CCDC138: variants seen among roughly 807,000 people sequenced by gnomAD.
CCDC138 encodes coiled-coil domain-containing protein 138.
In CCDC138, 66 loss-of-function variants were observed where a neutral mutation model predicts 82.3. That is an observed-to-expected ratio of 0.80 (90% confidence interval 0.66 to 0.98). The LOEUF is 0.98. CCDC138 is among the 50% of genes least tolerant of loss of function. The pLI, the probability that CCDC138 is intolerant of heterozygous loss-of-function variation, is 0.00. For synonymous variants in CCDC138, 297 were observed against 265.4 expected (o/e 1.12, Z -1.16); for missense variants, 816 against 758.9 (o/e 1.08, Z -0.88).
chr2:108,830,489 G>T (rs1687368975), intron 10 of CCDC138, among the ~76,000 whole-genome samples: 1 of 152,134 alleles, frequency 6.6e-6, no homozygotes, highest in Non-Finnish European at 1.5e-5. Context: ...CTAAATTTTA[G>T]TGTACTCACT....
chr2:108,820,712 A>AGAAC (rs1553413043), intron 10 of CCDC138, among the ~76,000 whole-genome samples: 370 of 22,620 alleles, frequency 0.016, 9 homozygotes, highest in African/African-American at 0.089. Flanking sequence ...AAAAAAAAAA[A>AGAAC]AAACAAACAA....
At chr2:108,884,440 G>C (rs943628238) in intron 2 of CCDC138, 1 of 152,214 alleles carries the variant, frequency 6.6e-6, no homozygotes, top group Admixed American at 6.5e-5. Context: ...TGTGAGAAAA[G>C]GAAACCTCTG....
At chr2:108,881,811 T>C (rs564211542) in intron 1 of CCDC138, among the ~76,000 whole-genome samples, 1 of 152,278 alleles carries the variant, frequency 6.6e-6, no homozygotes, top group Non-Finnish European at 1.5e-5. Context: ...CTTACATGGG[T>C]GTGGTTCTTG....
chr2:108,837,570 T>A (rs1434799784), intron 10 of CCDC138, among the ~76,000 whole-genome samples: 1 of 152,234 alleles, frequency 6.6e-6, no homozygotes, highest in African/African-American at 2.4e-5. Flanking sequence ...TGTGACATCA[T>A]AGCTGTCATA....
At chr2:108,858,200 C>T (rs1358460885) in intron 13 of CCDC138, among the ~76,000 whole-genome samples, 3 of 152,064 alleles carry the variant, frequency 2.0e-5, no homozygotes, top group Non-Finnish European at 2.9e-5. Flanking sequence ...AAAAATTAGC[C>T]GGGCATGGTG....
At chr2:108,831,905 G>A (rs1272305972) in intron 10 of CCDC138, among the ~76,000 whole-genome samples, 1 of 150,666 alleles carries the variant, frequency 6.6e-6, no homozygotes, top group Non-Finnish European at 1.5e-5. Context: ...GCTAATTTTT[G>A]TATATTTAGT....
chr2:108,821,620 A>G (rs1285973403), intron 10 of CCDC138, among the ~76,000 whole-genome samples: 3 of 152,150 alleles, frequency 2.0e-5, no homozygotes, highest in East Asian at 1.9e-4. Context: ...GCTACAAAAC[A>G]TACAGAAAAA....
In CCDC138 at chr2:108,788,941, T is replaced by C; in HGVS notation, c.241T>C (p.Leu81=). ...SKHCRTPLGS[L]FKHVNVNCLD... ...GCATTGTAGAACACCATTGGGCAGC[T>C]TATTCAAGCACGTAAATGTGAATTG... The change falls in exon 3 of 15, where the codon TTA becomes CTA. Residue 81 remains leucine (L), a synonymous_variant. Transcript: ENST00000295124. 1 of 1,614,118 alleles carries C rather than the reference T, an allele frequency of 6.2e-7. No homozygotes were observed. The highest frequency in any genetic ancestry group is 8.5e-7 in the Non-Finnish European group (1 of 1,179,988).
At chr2:108,846,676 C>CAA in intron 11 of CCDC138, 62 bp from the exon 12 acceptor site, 1 of 1,417,358 alleles carries the variant, frequency 7.1e-7, no homozygotes, top group Non-Finnish European at 9.7e-7. Flanking sequence ...GACTGTGTCT[C>CAA]AAAAAAAAAG....
chr2:108,833,062 A>C (rs1233060013), intron 10 of CCDC138, among the ~76,000 whole-genome samples: 1 of 152,240 alleles, frequency 6.6e-6, no homozygotes, highest in Non-Finnish European at 1.5e-5. Flanking sequence ...GACATTTTGG[A>C]AAAAGCAAAA....
chr2:108,835,361 T>TA (rs1263099314), intron 10 of CCDC138, among the ~76,000 whole-genome samples: 1 of 152,050 alleles, frequency 6.6e-6, no homozygotes, highest in Admixed American at 6.6e-5. Flanking sequence ...GCTCAAAAAT[T>TA]AAAAAAAATT....
chr2:108,786,957 T>TG (rs1243627997), intron 1 of CCDC138, 42 bp downstream of exon 1: 3 of 1,375,006 alleles, frequency 2.2e-6, no homozygotes, highest in East Asian at 3.0e-5. Context: ...CTCCTGCTGC[T>TG]GGGGGGCGGC....
At chr2:108,855,602 T>C (rs1692456530) in intron 12 of CCDC138, among the ~76,000 whole-genome samples, 1 of 152,184 alleles carries the variant, frequency 6.6e-6, no homozygotes, top group Non-Finnish European at 1.5e-5. Context: ...AACCACAAAA[T>C]TAAGTACAGT....
rs533627581 is a variant in CCDC138, at chr2:108,813,077, G to A, written c.1041+150G>A. On this transcript the variant is annotated intron_variant, in intron 9 of 14. Coordinates refer to ENST00000295124, the MANE Select transcript of CCDC138 (RefSeq NM_144978.3). ...ATCCTGGCCAACATGGTGAAACCCCGTTTCTACTAAAAATACAGAAAATTA... is the reference window on the plus strand; with the variant it reads ...ATCCTGGCCAACATGGTGAAACCCCATTTCTACTAAAAATACAGAAAATTA... 1.3e-3 allele frequency: 720 copies of A among 559,604 alleles called. 1 individual carries two copies. The highest frequency in any genetic ancestry group is 3.0e-3 in the Admixed American group (89 of 30,054). 34.7% of individuals were successfully genotyped at this position (559,604 alleles called of 1,614,324 possible). A position where few individuals can be genotyped will look rare whatever the true frequency, so the allele number is the denominator to read the frequency against.
rs749347023 is a variant in CCDC138, at chr2:108,788,014, TTTTC to T, written c.94-14_94-11del. ...TGATTTTTAGTATACAAATTAAATCTTTTCTTTTTTTTTTTAGTATGATTTTTCA... is the reference window on the plus strand; with the variant it reads ...TGATTTTTAGTATACAAATTAAATCTTTTTTTTTTTTAGTATGATTTTTCA... On this transcript the variant is annotated splice_polypyrimidine_tract_variant and intron_variant, in intron 1 of 14. Transcript: ENST00000295124. 116 of 1,491,764 alleles carry T rather than the reference TTTTC, an allele frequency of 7.8e-5. No homozygotes were observed. Among genetic ancestry groups the T allele is most frequent in the Middle Eastern group, 2.2e-4 (1 of 4,460 alleles). The allele number at this position is 1,491,764 out of a possible 1,614,324, so 92.4% of individuals were successfully genotyped here. A position where few individuals can be genotyped will look rare whatever the true frequency, so the allele number is the denominator to read the frequency against.
chr2:108,795,150 A>ATTTTTTTTTTTTT (rs11458525), intron 5 of CCDC138, among the ~76,000 whole-genome samples: 2 of 85,040 alleles, frequency 2.4e-5, no homozygotes, highest in Admixed American at 3.6e-4. Context: ...TCTAAAGTGT[A>ATTTTTTTTTTTTT]TTTTTTTTTT....
chr2:108,804,943 G>A lies in CCDC138; in HGVS notation c.790G>A (p.Glu264Lys). ...LTEVLKEKNK[E>K]TKRLRSSFDA... is the part of the protein sequence containing the mutation. The stretch of plus-strand genomic sequence containing the variant: ...CGAAGTTCTTAAGGAAAAGAATAAA[G>A]AAACCAAGAGACTGAGGTCCTCTTT... Residue 264 changes from glutamate (E) to lysine (K), a missense_variant, in exon 7 of 15, where the codon GAA becomes AAA. Transcript: ENST00000295124. The A allele has an allele frequency of 6.4e-7, 1 of 1,573,956 alleles. No individual in the cohort carries two copies. The highest frequency in any genetic ancestry group is 2.0e-5 in the Admixed American group (1 of 51,210).
rs1264507341 is a variant in CCDC138 at position 108,812,843 on chromosome 2, A to G, written c.957A>G (p.Ile319Met). The G allele has an allele frequency of 1.9e-6, 3 of 1,613,292 alleles. No homozygotes were observed. Among genetic ancestry groups the G allele is most frequent in the East Asian group, 2.2e-5 (1 of 44,840 alleles). Residue 319 changes from isoleucine (I) to methionine (M), a missense_variant, in exon 9 of 15, where the codon ATA becomes ATG. Transcript: ENST00000295124. Reference sequence around the variant, plus strand: ...AGAGGAAGTACGAGTTTATGACAATACAGAGATTGAAAGGAAGTTCCCATG... The same window carrying G: ...AGAGGAAGTACGAGTTTATGACAATGCAGAGATTGAAAGGAAGTTCCCATG... ...NLQRKYEFMT[I>M]QRLKGSSHAV...
At chr2:108,872,685 T>C (rs1033957028) in intron 13 of CCDC138, among the ~76,000 whole-genome samples, 3 of 152,160 alleles carry the variant, frequency 2.0e-5, no homozygotes, top group African/African-American at 7.2e-5. Flanking sequence ...AAGAGGGGGC[T>C]GCACTCACAC....
Sources: allele counts gnomAD v4.1 joint callset (sites outside exome capture counted in the v4.1 genomes callset), GRCh38; gene constraint gnomAD v4.1.1; transcripts MANE v1.5; gene names NCBI Gene and HGNC (gene_info 2026-07-23, HGNC 2026-07-21).